The following CPE variants were observed in gnomAD, a reference collection of about 807,000 sequenced individuals.
The protein encoded by CPE is carbocypeptidase E.
A neutral mutation model predicts 53.5 loss-of-function variants in CPE; 17 were observed. That is an observed-to-expected ratio of 0.32 (90% CI 0.22 to 0.48). CPE has a LOEUF of 0.48. Among genes scored for constraint, CPE ranks in the 20% least tolerant of loss-of-function variants. The pLI, the probability that CPE is intolerant of heterozygous loss-of-function variation, is 0.99. For synonymous variants in CPE, 226 were observed against 228.8 expected (o/e 0.99, Z 0.11); for missense variants, 524 against 614.7 (o/e 0.85, Z 1.56).
chr4:165,398,339 T>TACACACACATATAC (rs1393076436), intron 1 of CPE, among the ~76,000 whole-genome samples: 1 of 152,130 alleles, frequency 6.6e-6, no homozygotes, highest in African/African-American at 2.4e-5. Flanking sequence ...TACACATATA[T>TACACACACATATAC]ACACACACAT....
At chr4:165,427,189 G>C (rs1368625632) in intron 1 of CPE, among the ~76,000 whole-genome samples, 1 of 151,886 alleles carries the variant, frequency 6.6e-6, no homozygotes, top group Non-Finnish European at 1.5e-5. Flanking sequence ...TCTTAGGCAA[G>C]CCCCTTGTGC....
In CPE at chr4:165,384,674, C is replaced by A. The variant is rs78597569; in HGVS notation, c.307+5146C>A. ...GGAGCTTATCTTGGAAGTAGTGTTA[C>A]ACTTCCATTAGCCCATTATCATTCT... On this transcript the variant is annotated intron_variant, in intron 1 of 8. Transcript: ENST00000402744. Among the ~76,000 whole-genome samples the A allele has an allele frequency of 5.2e-3, 796 of 152,236 alleles. 2 individuals are homozygous for A. The highest frequency in any genetic ancestry group is 8.7e-3 in the Non-Finnish European group (589 of 68,014).
At position 165,379,120 on chromosome 4, in the gene CPE, A is replaced by G; in HGVS notation, c.-102A>G. ...TGAGGCGAGTAGAGGCTGGTGCGGAACTTGCCGCCCCCAGCAGCGCCGGCG... is the reference window on the plus strand; with the variant it reads ...TGAGGCGAGTAGAGGCTGGTGCGGAGCTTGCCGCCCCCAGCAGCGCCGGCG... On this transcript the variant is annotated 5_prime_UTR_variant, in exon 1 of 9. Coordinates refer to ENST00000402744, the MANE Select transcript of CPE (RefSeq NM_001873.4). The surrounding 1 kb of genome is among the most constrained non-coding windows in gnomAD (Gnocchi z 6.0). 2.8e-6 allele frequency: 3 copies of G among 1,059,402 alleles called. No individual in the cohort carries two copies. Among genetic ancestry groups the G allele is most frequent in the Middle Eastern group, 3.6e-4 (1 of 2,752 alleles). 65.6% of individuals were successfully genotyped at this position (1,059,402 alleles called of 1,614,324 possible).
At chr4:165,440,606 C>A (rs1400191664) in intron 1 of CPE, among the ~76,000 whole-genome samples, 1 of 152,010 alleles carries the variant, frequency 6.6e-6, no homozygotes, top group Admixed American at 6.5e-5. Context: ...AAGTCTTATC[C>A]ACTTTGTGGG....
At chr4:165,384,344 A>T (rs1482233043) in intron 1 of CPE, among the ~76,000 whole-genome samples, 1 of 152,230 alleles carries the variant, frequency 6.6e-6, no homozygotes, top group African/African-American at 2.4e-5. Context: ...GGCTTTTACC[A>T]TGGGATTTCC....
rs1039415603 is a variant in CPE at position 165,497,807 on chromosome 4, T to C, written c.*197T>C. 8 of 309,840 alleles carry C rather than the reference T, an allele frequency of 2.6e-5. No individual in the cohort carries two copies. In the East Asian group the frequency reaches 3.1e-4, roughly 12 times the overall value. The allele number at this position is 309,840 out of a possible 1,614,324, so 19.2% of individuals were successfully genotyped here. ...ACTTGATATATTTCATTCTCTTATA[T>C]AGTATTCATTTTCCTACCTATATTA... On this transcript the variant is annotated 3_prime_UTR_variant, in exon 9 of 9. Coordinates refer to ENST00000402744, the MANE Select transcript of CPE (RefSeq NM_001873.4).
At chr4:165,436,543 T>A (rs1731504649) in intron 1 of CPE, among the ~76,000 whole-genome samples, 1 of 152,236 alleles carries the variant, frequency 6.6e-6, no homozygotes, top group Non-Finnish European at 1.5e-5. Context: ...TGTATGGCTG[T>A]GTTCCAATAA....
intron 2 of CPE, among the ~76,000 whole-genome samples, chr4:165,466,608 C>A (rs1004837211): frequency 6.6e-6 from 1 of 152,080 alleles, no homozygotes; most frequent in Non-Finnish European, 1.5e-5. Context: ...ACTCCGACTC[C>A]CTGGTTCAAG....
chr4:165,410,525 A>G (rs1731025396), intron 1 of CPE, among the ~76,000 whole-genome samples: 1 of 152,192 alleles, frequency 6.6e-6, no homozygotes, highest in African/African-American at 2.4e-5. Context: ...TCATCCCAGA[A>G]GGTGCTGAAG....
At chr4:165,417,414 A>T (rs939938527) in intron 1 of CPE, among the ~76,000 whole-genome samples, 2 of 152,204 alleles carry the variant, frequency 1.3e-5, no homozygotes, top group African/African-American at 2.4e-5. Flanking sequence ...CTTTTCATTC[A>T]ACAATGTAAT....
intron 1 of CPE, among the ~76,000 whole-genome samples, chr4:165,460,748 A>T (rs903073444): frequency 5.9e-5 from 9 of 152,164 alleles, no homozygotes; most frequent in African/African-American, 1.7e-4. Flanking sequence ...TCACAAATTT[A>T]TTGAACTGAT....
At chr4:165,479,665 A>G (rs552861192) in intron 3 of CPE, among the ~76,000 whole-genome samples, 40 of 152,336 alleles carry the variant, frequency 2.6e-4, no homozygotes, top group Non-Finnish European at 4.6e-4. Context: ...GAAAATATTT[A>G]TAGTGTGTAG....
At chr4:165,489,633 G>A (rs566194834) in intron 6 of CPE, among the ~76,000 whole-genome samples, 8 of 152,280 alleles carry the variant, frequency 5.3e-5, no homozygotes, top group Non-Finnish European at 8.8e-5. Flanking sequence ...TCATCACTGT[G>A]ATCAACAATT....
At chr4:165,439,210 G>A (rs919261577) in intron 1 of CPE, among the ~76,000 whole-genome samples, 4 of 152,104 alleles carry the variant, frequency 2.6e-5, no homozygotes. Context: ...ATGTTAACAA[G>A]AACAATAGCA....
chr4:165,403,522 T>C (rs1185037536), intron 1 of CPE, among the ~76,000 whole-genome samples: 1 of 152,180 alleles, frequency 6.6e-6, no homozygotes, highest in African/African-American at 2.4e-5. Flanking sequence ...TCTAAAATCC[T>C]ACTACCACTA....
intron 3 of CPE, among the ~76,000 whole-genome samples, chr4:165,469,598 C>G (rs762477707): frequency 6.6e-6 from 1 of 152,208 alleles, no homozygotes; most frequent in African/African-American, 2.4e-5. Flanking sequence ...ATCCTCTACT[C>G]TTCAAGACAG....
intron 1 of CPE, among the ~76,000 whole-genome samples, chr4:165,429,561 G>C (rs975046805): frequency 6.6e-6 from 1 of 152,054 alleles, no homozygotes; most frequent in Admixed American, 6.5e-5. Flanking sequence ...AATTGGGCAG[G>C]CATGGTGGTG....
intron 1 of CPE, among the ~76,000 whole-genome samples, chr4:165,406,724 C>A (rs1318504405): frequency 6.6e-6 from 1 of 152,140 alleles, no homozygotes; most frequent in Non-Finnish European, 1.5e-5. Flanking sequence ...CAAAAAGAAC[C>A]CCATACCCAT....
intron 3 of CPE, among the ~76,000 whole-genome samples, chr4:165,471,748 C>T (rs1250688262): frequency 1.3e-5 from 2 of 152,158 alleles, no homozygotes; most frequent in African/African-American, 4.8e-5. Context: ...TTCTTTACTC[C>T]CCATGGATCA....
Sources: allele counts gnomAD v4.1 joint callset (sites outside exome capture counted in the v4.1 genomes callset), GRCh38; gene constraint gnomAD v4.1.1; non-coding constraint Gnocchi (gnomAD v3.1); transcripts MANE v1.5; gene names NCBI Gene and HGNC (gene_info 2026-07-23, HGNC 2026-07-21).